The following SNIP1 variants were observed in gnomAD, a reference collection of about 807,000 sequenced individuals.
SNIP1 encodes Smad nuclear interacting protein 1, also known as smad nuclear-interacting protein 1.
A neutral mutation model predicts 37.4 loss-of-function variants in SNIP1; 23 were observed. The observed-to-expected ratio is 0.61, with a 90% CI of 0.44 to 0.87. SNIP1 has a LOEUF of 0.87. Among genes scored for constraint, SNIP1 ranks in the 40% least tolerant of loss-of-function variants. The probability of loss-of-function intolerance (pLI) is 0.00; values close to 1 mark genes in which losing one functional copy is unlikely to be tolerated. For synonymous variants in SNIP1, 174 were observed against 200.0 expected, an observed-to-expected ratio of 0.87 and a Z score of 1.10; for missense variants, 459 against 540.4, an observed-to-expected ratio of 0.85 and a Z score of 1.49.
At chr1:37,552,537 C>T (rs900752868) in intron 2 of SNIP1, 108 bp downstream of exon 2, 5 of 859,980 alleles carry the variant, frequency 5.8e-6, no homozygotes, top group Admixed American at 2.0e-5. Flanking sequence ...TGTAGGCGAG[C>T]GTACGTGCAC....
chr1:37,548,772 T>A (rs1315501154), intron 2 of SNIP1: 1 of 151,490 alleles, frequency 6.6e-6, no homozygotes, highest in African/African-American at 2.4e-5. Flanking sequence ...ACGACTGAAT[T>A]CTCATCCCTC....
chr1:37,551,074 G>GACACACACACACAC (rs55724495), intron 2 of SNIP1, among the ~76,000 whole-genome samples: 2,294 of 143,922 alleles, frequency 0.016, 22 homozygotes, highest in East Asian at 0.022. Flanking sequence ...CAGCCTGGGT[G>GACACACACACACAC]ACACACACAC....
rs1346984214 is a variant in SNIP1 at position 37,540,793 on chromosome 1, C to T, written c.328-38G>A. ...CAGATTCTGTAATTTAAACGCAGTG[C>T]ACAATCTAAAGGCAGCCCAAATCTT... On this transcript the variant is annotated intron_variant, in intron 2 of 3. Coordinates refer to ENST00000296215, the MANE Select transcript of SNIP1 (RefSeq NM_024700.4). This position sits in a 1 kb window ranked among gnomAD's most constrained non-coding sequence, Gnocchi z 5.6. 3.9e-6 allele frequency: 6 copies of T among 1,533,180 alleles called. No individual in the cohort carries two copies. In the Admixed American group the frequency reaches 7.8e-5, roughly 20 times the overall value. The allele number at this position is 1,533,180 out of a possible 1,614,324, so 95.0% of individuals were successfully genotyped here.
At chr1:37,545,647 T>A (rs982734884) in intron 2 of SNIP1, among the ~76,000 whole-genome samples, 1 of 151,650 alleles carries the variant, frequency 6.6e-6, no homozygotes, top group Non-Finnish European at 1.5e-5. Flanking sequence ...ATTTAAAAAA[T>A]ACATAATAAT....
At position 37,538,094 on chromosome 1, in the gene SNIP1, C is replaced by T. The variant is rs185344692; in HGVS notation, c.927-82G>A. On this transcript the variant is annotated intron_variant, in intron 3 of 3. Transcript: ENST00000296215. ...TCTCTAAAGCTCTTTGCTAAGATAG[C>T]CTAGATGACGTAAATAACCTGGCTT... 90 of 1,450,680 alleles carry T rather than the reference C, an allele frequency of 6.2e-5. No individual in the cohort carries two copies. In the East Asian group the frequency reaches 2.1e-3, roughly 33 times the overall value. The allele number at this position is 1,450,680 out of a possible 1,614,324, so 89.9% of individuals were successfully genotyped here.
intron 2 of SNIP1, among the ~76,000 whole-genome samples, chr1:37,548,066 G>A (rs137930224): frequency 0.01 from 1,508 of 148,838 alleles, 25 homozygotes; most frequent in African/African-American, 0.036. Context: ...GCAGGAGAAT[G>A]GCGTGAACCC....
chr1:37,549,673 A>C (rs1195615828), intron 2 of SNIP1, among the ~76,000 whole-genome samples: 1 of 152,130 alleles, frequency 6.6e-6, no homozygotes, highest in East Asian at 1.9e-4. Context: ...CAGCCTCCCA[A>C]AGTGTTGGGA....
At chr1:37,547,207 C>T (rs959794325) in intron 2 of SNIP1, among the ~76,000 whole-genome samples, 4 of 152,134 alleles carry the variant, frequency 2.6e-5, no homozygotes, top group African/African-American at 7.2e-5. Flanking sequence ...ATTAATCCCA[C>T]GTGACTGGTG....
At chr1:37,544,200 A>G (rs941701363) in intron 2 of SNIP1, among the ~76,000 whole-genome samples, 3 of 151,776 alleles carry the variant, frequency 2.0e-5, no homozygotes, top group African/African-American at 7.3e-5. Flanking sequence ...CAATCCTAGC[A>G]CTTTGGGAGG....
intron 1 of SNIP1, among the ~76,000 whole-genome samples, 188 bp from the exon 2 acceptor site, chr1:37,552,935 G>A (rs11264072): frequency 0.14 from 21,299 of 152,104 alleles, 1,837 homozygotes; most frequent in Admixed American, 0.18. Context: ...TACTCACATA[G>A]ACAACTGTCT....
chr1:37,545,072 G>C (rs564329113), intron 2 of SNIP1: 13 of 749,064 alleles, frequency 1.7e-5, no homozygotes, highest in African/African-American at 1.5e-4. Flanking sequence ...ATTACATTTG[G>C]AAAAACTTGG....
chr1:37,547,953 T>C (rs1403856153), intron 2 of SNIP1, among the ~76,000 whole-genome samples: 3 of 151,618 alleles, frequency 2.0e-5, no homozygotes, highest in Admixed American at 2.0e-4. Context: ...GAGACCATCC[T>C]GGCTAACATA....
At chr1:37,549,732 G>A (rs1643280711) in intron 2 of SNIP1, among the ~76,000 whole-genome samples, 1 of 152,066 alleles carries the variant, frequency 6.6e-6, no homozygotes, top group Non-Finnish European at 1.5e-5. Flanking sequence ...AAAAATAGAG[G>A]CAAGATTGTT....
At chr1:37,538,458 G>A (rs563743160) in intron 3 of SNIP1, among the ~76,000 whole-genome samples, 12 of 139,518 alleles carry the variant, frequency 8.6e-5, no homozygotes, top group East Asian at 6.7e-4. Context: ...GCAGTGAGCC[G>A]AGATCACGCC....
chr1:37,542,971 G>A (rs1643191526), intron 2 of SNIP1, among the ~76,000 whole-genome samples: 1 of 151,116 alleles, frequency 6.6e-6, no homozygotes, highest in Non-Finnish European at 1.5e-5. Flanking sequence ...GAGGTGGGAT[G>A]ATCACTTGAG....
At position 37,543,031 on chromosome 1, in the gene SNIP1, G is replaced by T. The variant is rs1414180748; in HGVS notation, c.328-2276C>A. Among the ~76,000 whole-genome samples, 3 of 149,542 alleles carry T rather than the reference G, an allele frequency of 2.0e-5. No individual in the cohort carries two copies. The East Asian group carries it at 5.9e-4, about 29-fold the overall frequency. On this transcript the variant is annotated intron_variant, in intron 2 of 3. Transcript: ENST00000296215. ...GCTATGATCATACCACTGCAGTCCA[G>T]CCTTGGCAACAGAGACCCTGTCTTG...
In SNIP1 at chr1:37,537,536, G is replaced by A. The variant is rs575425926; in HGVS notation, c.*212C>T. The A allele has an allele frequency of 9.4e-6, 5 of 533,920 alleles. No homozygotes were observed. Among genetic ancestry groups the A allele is most frequent in the Non-Finnish European group, 1.3e-5 (4 of 305,398 alleles). 33.1% of individuals were successfully genotyped at this position (533,920 alleles called of 1,614,324 possible). A position where few individuals can be genotyped will look rare whatever the true frequency, so the allele number is the denominator to read the frequency against. On this transcript the variant is annotated 3_prime_UTR_variant, in exon 4 of 4. Coordinates refer to ENST00000296215, the MANE Select transcript of SNIP1 (RefSeq NM_024700.4). The stretch of plus-strand genomic sequence containing the variant: ...TCTGAAAACAAATGCCTGCAGGCAT[G>A]TGGCCAAGGTGCCACAGAAAAAGTT...
Position 37,537,718 on chromosome 1 carries a change from CG to C in SNIP1, c.*29del. On this transcript the variant is annotated 3_prime_UTR_variant, in exon 4 of 4. Coordinates refer to ENST00000296215, the MANE Select transcript of SNIP1 (RefSeq NM_024700.4). The stretch of plus-strand genomic sequence containing the variant: ...AATCAAAGACTTCCAAGAAGGAAAC[CG>C]TGTATCAATAGTTTGGGTTCTTAGT... 1 of 1,595,986 alleles carries C rather than the reference CG, an allele frequency of 6.3e-7. No homozygotes were observed. Among genetic ancestry groups the C allele is most frequent in the Non-Finnish European group, 8.5e-7 (1 of 1,170,898 alleles).
chr1:37,542,734 T>C (rs1237496060), intron 2 of SNIP1, among the ~76,000 whole-genome samples: 1 of 151,796 alleles, frequency 6.6e-6, no homozygotes, highest in African/African-American at 2.4e-5. Flanking sequence ...AGCAAGACTC[T>C]GTCTCAAAAA....
Sources: gnomAD v4.1 joint callset for allele counts (sites outside exome capture counted in the v4.1 genomes callset) on GRCh38, gnomAD v4.1.1 for gene constraint, Gnocchi (gnomAD v3.1) non-coding constraint, MANE v1.5 for transcripts, NCBI Gene and HGNC (gene_info 2026-07-23, HGNC 2026-07-21) for gene names.